The following NIPSNAP3B variants were observed in gnomAD, a reference collection of about 807,000 sequenced individuals.
NIPSNAP3B encodes protein NipSnap homolog 3B.
NIPSNAP3B carries 30 observed loss-of-function variants against 31.5 expected under a neutral mutation model. That is an observed-to-expected ratio of 0.95 (90% CI 0.71 to 1.29). The LOEUF (loss-of-function observed/expected upper bound fraction) is 1.29. Among genes scored for constraint, NIPSNAP3B ranks in the 50% most tolerant of loss-of-function variants. The pLI is 0.00. For missense variants in NIPSNAP3B, 269 were observed against 300.7 expected, an observed-to-expected ratio of 0.89 and a Z score of 0.78; for synonymous variants, 106 against 107.9, an observed-to-expected ratio of 0.98 and a Z score of 0.11.
At chr9:104,784,017 T>C in the NIPSNAP3B span, 5 of 304,028 alleles carry the variant, frequency 1.6e-5, no homozygotes, top group Non-Finnish European at 3.1e-5. Flanking sequence ...AAAGTGTGAG[T>C]TCAAACCCAT....
chr9:104,789,085 C>T, the NIPSNAP3B span, among the ~76,000 whole-genome samples: 7 of 152,322 alleles, frequency 4.6e-5, no homozygotes, highest in South Asian at 2.1e-4. Context: ...TCAGTGTTCA[C>T]GTTCCAGACT....
the NIPSNAP3B span, chr9:104,785,267 C>A: frequency 8.0e-7 from 1 of 1,256,702 alleles, no homozygotes; most frequent in Non-Finnish European, 1.1e-6. Context: ...AAAAGCATAG[C>A]TAGGAATAGT....
chr9:104,777,787 C>A (rs980397968), downstream of NIPSNAP3B, among the ~76,000 whole-genome samples: 1 of 149,816 alleles, frequency 6.7e-6, no homozygotes, highest in Non-Finnish European at 1.5e-5. Context: ...TTTTCTGTTT[C>A]CCTTCAAAGC....
At chr9:104,784,344 C>T in the NIPSNAP3B span, 1 of 1,614,082 alleles carries the variant, frequency 6.2e-7, no homozygotes, top group Admixed American at 1.7e-5. Flanking sequence ...ACTTTCTCAT[C>T]CTGTAGAAAA....
At chr9:104,770,170 T>C (rs1186834252) in intron 3 of NIPSNAP3B, among the ~76,000 whole-genome samples, 1 of 152,208 alleles carries the variant, frequency 6.6e-6, no homozygotes, top group East Asian at 1.9e-4. Context: ...TCATAATTCT[T>C]TAGTAACTTT....
At position 104,768,889 on chromosome 9, in the gene NIPSNAP3B, C is replaced by T. The variant is rs745675891; in HGVS notation, c.298C>T (p.Arg100Trp). The T allele has an allele frequency of 2.0e-5, 32 of 1,606,958 alleles. No individual in the cohort carries two copies. The highest frequency in any genetic ancestry group is 2.5e-5 in the Non-Finnish European group (29 of 1,177,052). The change falls in exon 3 of 6, where the codon CGG (arginine) becomes TGG (tryptophan). Residue 100 changes from arginine to tryptophan, a missense_variant. Physicochemically the swap from Arg to Trp is moderately radical, Grantham distance 101. Coordinates refer to ENST00000374762, the MANE Select transcript of NIPSNAP3B (RefSeq NM_018376.4). The stretch of plus-strand genomic sequence containing the variant: ...TAATTTTGCTCATCGAGCTGAAGTT[C>T]GGAAAGCCTTAGCCAACTGTAAGGA... ...YDNFAHRAEV[R>W]KALANCKEWQ...
At chr9:104,787,911 T>C in the NIPSNAP3B span, 1 of 1,613,976 alleles carries the variant, frequency 6.2e-7, no homozygotes. Flanking sequence ...CATCCACAGT[T>C]ATACTCACCA....
chr9:104,784,550 G>A, the NIPSNAP3B span: 30 of 1,435,852 alleles, frequency 2.1e-5, no homozygotes, highest in Non-Finnish European at 2.8e-5. Flanking sequence ...ATTAGGTCAA[G>A]TAGGAGCATA....
intron 2 of NIPSNAP3B, 75 bp downstream of exon 2, chr9:104,766,610 G>T (rs1828096324): frequency 4.4e-6 from 6 of 1,373,888 alleles, no homozygotes; most frequent in South Asian, 3.5e-5. Context: ...TTAGTTCTTG[G>T]ATCTATATTA....
chr9:104,771,617 G>A (rs375955817), intron 4 of NIPSNAP3B, among the ~76,000 whole-genome samples: 148 of 152,124 alleles, frequency 9.7e-4, no homozygotes, highest in African/African-American at 3.1e-3. Context: ...CCAATCTGTT[G>A]TTGGTGGGCA....
Position 104,770,962 on chromosome 9 carries a change from G to C in NIPSNAP3B, c.544G>C (p.Gly182Arg). 6.2e-7 allele frequency: 1 copy of C among 1,613,846 alleles called. No homozygotes were observed. The change falls in exon 4 of 6, where the codon GGT (glycine) becomes CGT (arginine). Residue 182 changes from glycine to arginine, a missense_variant. Transcript: ENST00000374762. ...HVNLGYTKVV[G>R]VFHTEYGELN... Reference sequence around the variant, plus strand: ...CAATTTAGGCTACACAAAAGTAGTTGGTGTTTTCCACACAGAATATGGAGA... The same window carrying C: ...CAATTTAGGCTACACAAAAGTAGTTCGTGTTTTCCACACAGAATATGGAGA...
chr9:104,786,262 C>T, the NIPSNAP3B span: 26 of 1,505,232 alleles, frequency 1.7e-5, no homozygotes, highest in Non-Finnish European at 2.0e-5. Flanking sequence ...CAAGCCTTCT[C>T]ACTAGGCACT....
At chr9:104,786,154 A>C in the NIPSNAP3B span, 1 of 718,908 alleles carries the variant, frequency 1.4e-6, no homozygotes, top group Non-Finnish European at 2.4e-6. Context: ...TGCAGTTCGG[A>C]CTTCAAAGCC....
the NIPSNAP3B span, chr9:104,786,923 A>G: frequency 6.2e-7 from 1 of 1,614,078 alleles, no homozygotes; most frequent in Non-Finnish European, 8.5e-7. Context: ...CACTTAGGGC[A>G]CAATTCCACA....
chr9:104,770,820 T>A (rs1214959391), intron 3 of NIPSNAP3B, 29 bp from the exon 4 acceptor site: 1 of 1,605,042 alleles, frequency 6.2e-7, no homozygotes, highest in South Asian at 1.1e-5. Flanking sequence ...ATGTCTTCTG[T>A]GAAATAATTA....
At chr9:104,768,569 A>G (rs1828137131) in intron 2 of NIPSNAP3B, among the ~76,000 whole-genome samples, 1 of 152,230 alleles carries the variant, frequency 6.6e-6, no homozygotes, top group South Asian at 2.1e-4. Flanking sequence ...TAAGAAACTG[A>G]GGCACAGAAA....
intron 2 of NIPSNAP3B, among the ~76,000 whole-genome samples, chr9:104,767,163 T>C (rs1480009881): frequency 6.6e-6 from 1 of 152,124 alleles, no homozygotes; most frequent in Non-Finnish European, 1.5e-5. Context: ...TGGAGGTTTT[T>C]AAAGGATGAT....
chr9:104,788,502 G>A, the NIPSNAP3B span: 1 of 1,614,172 alleles, frequency 6.2e-7, no homozygotes, highest in Non-Finnish European at 8.5e-7. Context: ...CAACAGCTCT[G>A]TGATGGCATC....
chr9:104,790,119 G>A, the NIPSNAP3B span, among the ~76,000 whole-genome samples: 4 of 150,916 alleles, frequency 2.7e-5, no homozygotes, highest in African/African-American at 9.8e-5. Flanking sequence ...GCCCAGAGAA[G>A]CCCCACATAT....
Sources: gnomAD v4.1 joint callset for allele counts (sites outside exome capture counted in the v4.1 genomes callset) on GRCh38, gnomAD v4.1.1 for gene constraint, MANE v1.5 for transcripts, NCBI Gene and HGNC (gene_info 2026-07-23, HGNC 2026-07-21) for gene names.